Variants in AGK observed in about 807,000 individuals in gnomAD.
AGK encodes acylglycerol kinase, mitochondrial.
A neutral mutation model predicts 66.4 loss-of-function variants in AGK; 52 were observed. The ratio of observed to expected loss-of-function variants is 0.78; its 90% CI spans 0.63 to 0.99. The LOEUF (loss-of-function observed/expected upper bound fraction) is 0.99, where lower values mean the gene tolerates loss of function less well. AGK is among the 50% of genes least tolerant of loss of function. AGK has a pLI of 0.00. For missense variants in AGK, 451 were observed against 506.6 expected (o/e 0.89, Z 1.05); for synonymous variants, 182 against 181.1 (o/e 1.00, Z -0.04).
intron 2 of AGK, among the ~76,000 whole-genome samples, chr7:141,582,881 C>T (rs903854080): frequency 1.7e-4 from 26 of 151,380 alleles, no homozygotes; most frequent in African/African-American, 6.3e-4. Context: ...GAGGAGCAGC[C>T]TGGGGAGGAG....
At chr7:141,651,112 A>T (rs1404256739) in intron 14 of AGK, among the ~76,000 whole-genome samples, 1 of 152,260 alleles carries the variant, frequency 6.6e-6, no homozygotes, top group Non-Finnish European at 1.5e-5. Context: ...AGAAATATCT[A>T]CATTAAAGTA....
chr7:141,563,057 A>T (rs997705993), intron 2 of AGK, among the ~76,000 whole-genome samples: 3 of 152,150 alleles, frequency 2.0e-5, no homozygotes, highest in Non-Finnish European at 4.4e-5. Context: ...CCCCCCTCAC[A>T]CTTTGGGGAA....
chr7:141,570,533 A>G (rs1795578733), intron 2 of AGK, among the ~76,000 whole-genome samples: 1 of 152,212 alleles, frequency 6.6e-6, no homozygotes, highest in African/African-American at 2.4e-5. Flanking sequence ...TGCATATAAA[A>G]ATTAGAGAAT....
At chr7:141,634,683 C>T (rs141105796) in intron 10 of AGK, among the ~76,000 whole-genome samples, 358 of 152,280 alleles carry the variant, frequency 2.4e-3, no homozygotes, top group Non-Finnish European at 3.9e-3. Flanking sequence ...ATGTGAGATT[C>T]GCTTCATACC....
At chr7:141,609,718 C>T (rs1344761203) in intron 5 of AGK, among the ~76,000 whole-genome samples, 2 of 152,182 alleles carry the variant, frequency 1.3e-5, no homozygotes, top group East Asian at 3.9e-4. Context: ...AGGGGTGGGG[C>T]TAAAAGTTCC....
At chr7:141,582,200 C>T (rs1020825070) in intron 2 of AGK, among the ~76,000 whole-genome samples, 9 of 152,002 alleles carry the variant, frequency 5.9e-5, no homozygotes, top group South Asian at 4.1e-4. Flanking sequence ...GGAGGAATCC[C>T]GGGCTGCGGA....
At chr7:141,565,496 CA>C (rs1554395988) in intron 2 of AGK, among the ~76,000 whole-genome samples, 1 of 152,080 alleles carries the variant, frequency 6.6e-6, no homozygotes, top group Non-Finnish European at 1.5e-5. Context: ...ACTAAAAATA[CA>C]AAAGTTAGCT....
At chr7:141,573,813 G>C (rs1180380405) in intron 2 of AGK, among the ~76,000 whole-genome samples, 1 of 152,090 alleles carries the variant, frequency 6.6e-6, no homozygotes, top group Non-Finnish European at 1.5e-5. Flanking sequence ...TATGTAATCT[G>C]TTTTCTCTCC....
At chr7:141,641,945 C>G in intron 13 of AGK, 37 bp downstream of exon 13, 1 of 1,514,276 alleles carries the variant, frequency 6.6e-7, no homozygotes, top group Non-Finnish European at 9.0e-7. Context: ...CATTTGGTAC[C>G]TAAGAAAAGT....
chr7:141,584,703 A>G (rs1420951104), intron 2 of AGK, among the ~76,000 whole-genome samples: 1 of 152,224 alleles, frequency 6.6e-6, no homozygotes, highest in Non-Finnish European at 1.5e-5. Context: ...GCAGTGCTGT[A>G]TATTTGTCCT....
intron 15 of AGK, 37 bp from the exon 16 acceptor site, chr7:141,652,750 T>C: frequency 1.2e-6 from 2 of 1,606,944 alleles, no homozygotes; most frequent in Non-Finnish European, 8.5e-7. Context: ...AGGCCACTGA[T>C]GTGTTTGAGC....
At chr7:141,625,946 T>C (rs963425158) in intron 9 of AGK, among the ~76,000 whole-genome samples, 11 of 152,202 alleles carry the variant, frequency 7.2e-5, no homozygotes, top group Admixed American at 5.2e-4. Context: ...ATTTTTCTTA[T>C]TGTGTAATGT....
rs2116998370 is a variant in AGK at position 141,633,911 on chromosome 7, A to C, written c.599A>C (p.Glu200Ala). The C allele has an allele frequency of 1.2e-6, 2 of 1,613,866 alleles. No individual in the cohort carries two copies. Among genetic ancestry groups the C allele is most frequent in the Non-Finnish European group, 8.5e-7 (1 of 1,179,760 alleles). Residue 200 changes from glutamate to alanine, a missense_variant, in exon 10 of 16, where the codon GAA becomes GCA. Physicochemically the swap from Glu to Ala is moderately radical, Grantham distance 107. Transcript: ENST00000649286. ...GTATTTAACTTCCAGGGTGAAAAGG[A>C]ACAGCCTGTATTTGCAATGACCGGC... ...LDVLQIKGEKEQPVFAMTGLR... is the reference protein window; with the variant it reads ...LDVLQIKGEKAQPVFAMTGLR...
chr7:141,587,377 T>G (rs562453953), intron 2 of AGK, among the ~76,000 whole-genome samples: 4 of 152,250 alleles, frequency 2.6e-5, no homozygotes, highest in African/African-American at 9.6e-5. Flanking sequence ...GCCAGAATAA[T>G]CCCTCCAAAA....
chr7:141,596,471 G>T (rs544538881), intron 3 of AGK, 91 bp from the exon 4 acceptor site: 1 of 1,161,296 alleles, frequency 8.6e-7, no homozygotes, highest in African/African-American at 1.5e-5. Context: ...CTTATGTGCT[G>T]CAAGTACATT....
At chr7:141,641,785 G>T in intron 12 of AGK, 26 bp from the exon 13 acceptor site, 1 of 1,550,554 alleles carries the variant, frequency 6.4e-7, no homozygotes, top group Non-Finnish European at 8.7e-7. Flanking sequence ...GGAAGAAACT[G>T]ACCTGTATCT....
chr7:141,605,082 A>C (rs1451164950), intron 5 of AGK, among the ~76,000 whole-genome samples: 1 of 152,050 alleles, frequency 6.6e-6, no homozygotes, highest in Non-Finnish European at 1.5e-5. Flanking sequence ...TTCTCAATGC[A>C]TAATATATGT....
intron 4 of AGK, 94 bp from the exon 5 acceptor site, chr7:141,601,111 T>C (rs1290104802): frequency 1.1e-6 from 1 of 897,662 alleles, no homozygotes; most frequent in Admixed American, 2.4e-5. Context: ...TTGCATAGTC[T>C]TTCTTATTCT....
chr7:141,613,989 G>A (rs1027379624), intron 6 of AGK, among the ~76,000 whole-genome samples, 157 bp from the exon 7 acceptor site: 7 of 152,020 alleles, frequency 4.6e-5, no homozygotes, highest in Middle Eastern at 3.2e-3. Context: ...GATTCTATTG[G>A]AGAATACTAT....
Sources: gnomAD v4.1 joint callset for allele counts (sites outside exome capture counted in the v4.1 genomes callset) on GRCh38, gnomAD v4.1.1 for gene constraint, MANE v1.5 for transcripts, NCBI Gene and HGNC (gene_info 2026-07-23, HGNC 2026-07-21) for gene names.